Variants in RUNX3 observed in about 807,000 individuals in gnomAD.
RUNX3 encodes RUNX family transcription factor 3, also known as runt-related transcription factor 3.
A neutral mutation model predicts 27.7 loss-of-function variants in RUNX3; 10 were observed. That is an observed-to-expected ratio of 0.36 (90% CI 0.22 to 0.61). The LOEUF is 0.61. Ranked by LOEUF, RUNX3 falls within the 20% of genes least tolerant of loss-of-function variation. RUNX3 has a pLI of 0.72. For missense variants in RUNX3, 469 were observed against 629.5 expected, an observed-to-expected ratio of 0.75 and a Z score of 2.73; for synonymous variants, 270 against 269.2, an observed-to-expected ratio of 1.00 and a Z score of -0.03.
At chr1:24,958,864 C>A (rs527625606) in intron 2 of RUNX3, among the ~76,000 whole-genome samples, 1 of 152,184 alleles carries the variant, frequency 6.6e-6, no homozygotes, top group South Asian at 2.1e-4. Context: ...GGGTGAGATT[C>A]CCCAACTACG....
rs1424054030 is a variant in RUNX3 at position 24,929,958 on chromosome 1, C to G, written c.-90G>C. ...CGGGCGCCTCCTCGGCCGCCGCTGCCGCGAGAAGCGGGAAAGCAGAAGCGG... is the reference window on the plus strand; with the variant it reads ...CGGGCGCCTCCTCGGCCGCCGCTGCGGCGAGAAGCGGGAAAGCAGAAGCGG... On this transcript the variant is annotated 5_prime_UTR_variant, in exon 1 of 5. Transcript: ENST00000308873. 3 of 1,201,656 alleles carry G rather than the reference C, an allele frequency of 2.5e-6. No individual in the cohort carries two copies. The highest frequency in any genetic ancestry group is 3.1e-6 in the Non-Finnish European group (3 of 970,144). The allele number at this position is 1,201,656 out of a possible 1,614,324, so 74.4% of individuals were successfully genotyped here. A position where few individuals can be genotyped will look rare whatever the true frequency, so the allele number is the denominator to read the frequency against.
At chr1:24,928,225 CAGTT>C in intron 1 of RUNX3, among the ~76,000 whole-genome samples, 1 of 152,346 alleles carries the variant, frequency 6.6e-6, no homozygotes, top group South Asian at 2.1e-4. Context: ...GGACCAGGCC[CAGTT>C]TATTGGCCTC....
At chr1:24,911,722 G>A (rs1571307738) in intron 3 of RUNX3, among the ~76,000 whole-genome samples, 1 of 152,246 alleles carries the variant, frequency 6.6e-6, no homozygotes, top group Non-Finnish European at 1.5e-5. Context: ...CCGACTCCAA[G>A]CCCAGGGCTC....
At chr1:24,931,709 G>A (rs1277198942), upstream of RUNX3, among the ~76,000 whole-genome samples, 1 of 152,162 alleles carries the variant, frequency 6.6e-6, no homozygotes, top group Admixed American at 6.5e-5. Context: ...TTTCGTCGTT[G>A]CCAAACGAAA....
At chr1:24,955,540 A>G (rs548796000) in intron 2 of RUNX3, among the ~76,000 whole-genome samples, 3 of 152,348 alleles carry the variant, frequency 2.0e-5, no homozygotes, top group South Asian at 2.1e-4. Flanking sequence ...AAGATTCTGC[A>G]TAGGTAGGAA....
chr1:24,930,946 G>C (rs1641214461), upstream of RUNX3, among the ~76,000 whole-genome samples: 1 of 152,216 alleles, frequency 6.6e-6, no homozygotes, highest in African/African-American at 2.4e-5. The surrounding 1 kb of genome is among the most constrained non-coding windows in gnomAD (Gnocchi z 4.1). Context: ...AAGTAGCCTG[G>C]GGCCAACAAC....
chr1:24,909,454 C>G (rs373251440), intron 3 of RUNX3, among the ~76,000 whole-genome samples: 8 of 152,164 alleles, frequency 5.3e-5, no homozygotes, highest in Non-Finnish European at 1.2e-4. Context: ...TAGTAGCACA[C>G]CTTGGAGCTC....
intron 3 of RUNX3, among the ~76,000 whole-genome samples, chr1:24,918,503 G>A (rs1467145373): frequency 6.6e-6 from 1 of 152,184 alleles, no homozygotes; most frequent in Non-Finnish European, 1.5e-5. Context: ...CCAACCTTCA[G>A]TGCACCAAGC....
intron 2 of RUNX3, among the ~76,000 whole-genome samples, chr1:24,926,862 CT>C (rs1641109271): frequency 6.6e-6 from 1 of 152,210 alleles, no homozygotes; most frequent in Admixed American, 6.5e-5. Context: ...GTTTCCAGGA[CT>C]TTCCCATCCA....
chr1:24,930,111 G>T lies in RUNX3; in HGVS notation c.-243C>A, dbSNP rs912775987. Reference sequence around the variant, plus strand: ...CCGGCTAGTCCCGCATCCTCGGCGCGCGGCCCCGCGTGCGGCCGCCCCTCG... The same window carrying T: ...CCGGCTAGTCCCGCATCCTCGGCGCTCGGCCCCGCGTGCGGCCGCCCCTCG... On this transcript the variant is annotated 5_prime_UTR_variant, in exon 1 of 5. Coordinates refer to ENST00000308873, the MANE Select transcript of RUNX3 (RefSeq NM_004350.3). This position sits in a 1 kb window ranked among gnomAD's most constrained non-coding sequence, Gnocchi z 4.1. The T allele has an allele frequency of 1.0e-6, 1 of 979,390 alleles. No individual in the cohort carries two copies. The highest frequency in any genetic ancestry group is 1.2e-6 in the Non-Finnish European group (1 of 827,628). 60.7% of individuals were successfully genotyped at this position (979,390 alleles called of 1,614,324 possible).
chr1:24,940,201 A>C (rs1641444359), intron 2 of RUNX3, among the ~76,000 whole-genome samples: 1 of 152,214 alleles, frequency 6.6e-6, no homozygotes, highest in Non-Finnish European at 1.5e-5. Flanking sequence ...ACGTCCCCTC[A>C]GAGGTAGAGA....
intron 2 of RUNX3, among the ~76,000 whole-genome samples, chr1:24,960,314 T>C (rs551374555): frequency 6.6e-6 from 1 of 152,240 alleles, no homozygotes; most frequent in African/African-American, 2.4e-5. Context: ...TCTCCATAGC[T>C]CTGCAAGGTT....
In RUNX3 at chr1:24,930,071, C is replaced by T. The variant is rs1641187301; in HGVS notation, c.-203G>A. ...CTGCGAGGCCTCGCTGGCCCGACGG[C>T]CGCCCGCAGCCTGCCCGGCTAGTCC... On this transcript the variant is annotated 5_prime_UTR_variant, in exon 1 of 5. Transcript: ENST00000308873. The surrounding 1 kb of genome is among the most constrained non-coding windows in gnomAD (Gnocchi z 4.1). 1 of 980,180 alleles carries T rather than the reference C, an allele frequency of 1.0e-6. No homozygotes were observed. The highest frequency in any genetic ancestry group is 1.8e-5 in the African/African-American group (1 of 56,680). 60.7% of individuals were successfully genotyped at this position (980,180 alleles called of 1,614,324 possible). A position where few individuals can be genotyped will look rare whatever the true frequency, so the allele number is the denominator to read the frequency against.
chr1:24,902,271 T>C lies in RUNX3; in HGVS notation c.1099A>G (p.Ser367Gly). The stretch of plus-strand genomic sequence containing the variant: ...TTGCCGGCGGCGACAGAGGCAGCGC[T>C]GCTGGTGCAAGAGGCCAGCATGCGG... ...PTRMLASCTSSAASVAAGNLM... is the reference protein window; with the variant it reads ...PTRMLASCTSGAASVAAGNLM... Residue 367 changes from serine (S) to glycine (G), a missense_variant, in exon 5 of 5, where the codon AGC becomes GGC. By Grantham distance (56) the Ser-to-Gly change is moderately conservative. Transcript: ENST00000308873. This position sits in a 1 kb window ranked among gnomAD's most constrained non-coding sequence, Gnocchi z 9.2. The C allele has an allele frequency of 1.3e-6, 2 of 1,595,346 alleles. No homozygotes were observed. The highest frequency in any genetic ancestry group is 1.7e-6 in the Non-Finnish European group (2 of 1,173,344).
At chr1:24,942,534 G>A (rs1641503789) in intron 2 of RUNX3, among the ~76,000 whole-genome samples, 1 of 152,170 alleles carries the variant, frequency 6.6e-6, no homozygotes, top group South Asian at 2.1e-4. Context: ...GTCGGAGCAG[G>A]TGACATGCGA....
chr1:24,939,262 T>C (rs74063021), intron 2 of RUNX3, among the ~76,000 whole-genome samples: 1 of 152,168 alleles, frequency 6.6e-6, no homozygotes, highest in Non-Finnish European at 1.5e-5. Context: ...CCCACGCTCA[T>C]GGGCACAGTC....
intron 4 of RUNX3, among the ~76,000 whole-genome samples, chr1:24,906,877 G>A (rs1039190155): frequency 6.6e-6 from 1 of 152,226 alleles, no homozygotes; most frequent in African/African-American, 2.4e-5. Context: ...AGGCTGTGGG[G>A]CAGGGGTGGG....
At chr1:24,959,468 G>A (rs187537005) in intron 2 of RUNX3, among the ~76,000 whole-genome samples, 41 of 152,324 alleles carry the variant, frequency 2.7e-4, no homozygotes, top group Admixed American at 2.4e-3. Flanking sequence ...TAGTGGGCAC[G>A]GAAGGGCTGG....
chr1:24,934,579 C>T (rs528006587), upstream of RUNX3, among the ~76,000 whole-genome samples: 3 of 152,252 alleles, frequency 2.0e-5, no homozygotes, highest in East Asian at 1.9e-4. Flanking sequence ...TTGTGCCAGG[C>T]GCCGCACATG....
Sources: allele counts gnomAD v4.1 joint callset (sites outside exome capture counted in the v4.1 genomes callset), GRCh38; gene constraint gnomAD v4.1.1; non-coding constraint Gnocchi (gnomAD v3.1); transcripts MANE v1.5; gene names NCBI Gene and HGNC (gene_info 2026-07-23, HGNC 2026-07-21).